Variants in UGT8 observed in about 807,000 individuals in gnomAD.
UGT8 encodes the protein 2-hydroxyacylsphingosine 1-beta-galactosyltransferase.
UGT8 carries 12 observed loss-of-function variants against 40.5 expected under a neutral mutation model. The ratio of observed to expected loss-of-function variants is 0.30; its 90% CI spans 0.19 to 0.48. The LOEUF (loss-of-function observed/expected upper bound fraction) is 0.48, where lower values mean the gene tolerates loss of function less well. UGT8 is among the 20% of genes least tolerant of loss of function. UGT8 has a pLI of 0.99. For synonymous variants in UGT8, 224 were observed against 240.4 expected, an observed-to-expected ratio of 0.93 and a Z score of 0.63; for missense variants, 513 against 648.7, an observed-to-expected ratio of 0.79 and a Z score of 2.27.
At chr4:114,600,531 A>C (rs1042500556) in intron 1 of UGT8, among the ~76,000 whole-genome samples, 1 of 152,144 alleles carries the variant, frequency 6.6e-6, no homozygotes, top group African/African-American at 2.4e-5. Flanking sequence ...CTTTTATTTT[A>C]GGTTTTGGGG....
At chr4:114,675,516 G>A (rs548184804) in intron 5 of UGT8, among the ~76,000 whole-genome samples, 4 of 151,754 alleles carry the variant, frequency 2.6e-5, no homozygotes, top group Admixed American at 6.6e-5. Flanking sequence ...CGAGGCAGGC[G>A]GATCACGAGG....
chr4:114,646,946 G>C (rs1158101868), intron 2 of UGT8, among the ~76,000 whole-genome samples: 1 of 152,156 alleles, frequency 6.6e-6, no homozygotes, highest in Non-Finnish European at 1.5e-5. Flanking sequence ...TTGGAATTCA[G>C]AAACATGACT....
In UGT8 at chr4:114,676,665, TTG is replaced by T. The variant is rs149001721; in HGVS notation, c.*395_*396del. On this transcript the variant is annotated 3_prime_UTR_variant, in exon 6 of 6. Transcript: ENST00000310836. ...TATGTGTGTGTGTGTGTGTGTGTGT[TTG>T]TGTGTGTGTGTGTGTGTCCTAATTA... is the stretch of plus-strand genomic sequence containing the variant. 171 of 150,332 alleles carry T rather than the reference TTG, an allele frequency of 1.1e-3. No individual in the cohort carries two copies. The highest frequency in any genetic ancestry group is 1.9e-3 in the South Asian group (10 of 5,200). The allele number at this position is 150,332 out of a possible 1,614,324, so 9.3% of individuals were successfully genotyped here. A position where few individuals can be genotyped will look rare whatever the true frequency, so the allele number is the denominator to read the frequency against.
chr4:114,629,189 A>T (rs139674709), intron 2 of UGT8, among the ~76,000 whole-genome samples: 19 of 152,310 alleles, frequency 1.2e-4, no homozygotes, highest in East Asian at 5.8e-4. Context: ...AAAGCTGGAG[A>T]TGTAAAGCTT....
At chr4:114,644,031 T>A (rs1301565747) in intron 2 of UGT8, among the ~76,000 whole-genome samples, 1 of 151,958 alleles carries the variant, frequency 6.6e-6, no homozygotes, top group African/African-American at 2.4e-5. Flanking sequence ...CCATGGTGCC[T>A]TTCTTCTCTG....
chr4:114,599,105 T>G, intron 1 of UGT8, 131 bp downstream of exon 1: 3 of 142,536 alleles, frequency 2.1e-5, no homozygotes, highest in Non-Finnish European at 3.1e-5. Context: ...GGGGTGGGAA[T>G]TAGAAAGCAC....
At chr4:114,646,499 T>A (rs1733580340) in intron 2 of UGT8, among the ~76,000 whole-genome samples, 1 of 152,042 alleles carries the variant, frequency 6.6e-6, no homozygotes, top group Non-Finnish European at 1.5e-5. Context: ...TGGGCATAAT[T>A]TCTGTTTTAA....
chr4:114,656,878 A>G, intron 2 of UGT8: 1 of 484,690 alleles, frequency 2.1e-6, no homozygotes, highest in Non-Finnish European at 4.3e-6. Flanking sequence ...TCATTAAAAA[A>G]TATAAACTCT....
intron 2 of UGT8, among the ~76,000 whole-genome samples, chr4:114,657,677 T>G (rs866870658): frequency 6.6e-6 from 1 of 152,174 alleles, no homozygotes; most frequent in Admixed American, 6.5e-5. Flanking sequence ...AATATCTTGG[T>G]GCAGAATGAC....
intron 2 of UGT8, among the ~76,000 whole-genome samples, chr4:114,625,508 CT>C (rs1188864887): frequency 9.0e-5 from 2 of 22,234 alleles, no homozygotes; most frequent in African/African-American, 1.6e-4. Context: ...GAGACCCTGT[CT>C]AAAAAAAAAA....
chr4:114,644,669 C>G (rs1330603911), intron 2 of UGT8, among the ~76,000 whole-genome samples: 2 of 152,128 alleles, frequency 1.3e-5, no homozygotes, highest in East Asian at 3.8e-4. Context: ...AATTTGTGAT[C>G]TATGCCTTTC....
rs1346393646 is a variant in UGT8 at position 114,664,706 on chromosome 4, C to T, written c.965+569C>T. Among the ~76,000 whole-genome samples, 7 of 152,284 alleles carry T rather than the reference C, an allele frequency of 4.6e-5. No homozygotes were observed. In the East Asian group the frequency reaches 1.4e-3, roughly 29 times the overall value. On this transcript the variant is annotated intron_variant, in intron 3 of 5. Coordinates refer to ENST00000310836, the MANE Select transcript of UGT8 (RefSeq NM_001128174.3). ...CCCAGCTTCTTTTGGAAGGCATTGC[C>T]AGCACATGACTGTCTTTGGAATTTC...
At chr4:114,671,497 A>G (rs773720710) in intron 5 of UGT8, among the ~76,000 whole-genome samples, 1 of 152,200 alleles carries the variant, frequency 6.6e-6, no homozygotes, top group African/African-American at 2.4e-5. Context: ...AATGGAGCAG[A>G]ACAGAGACCT....
chr4:114,631,442 G>A (rs758365571), intron 2 of UGT8, among the ~76,000 whole-genome samples: 21 of 152,210 alleles, frequency 1.4e-4, no homozygotes, highest in Non-Finnish European at 2.1e-4. Context: ...AGCTGAGATC[G>A]TGCCACTGCA....
In UGT8 at chr4:114,677,354, C is replaced by A. The variant is rs1735722492; in HGVS notation, c.*1066C>A. On this transcript the variant is annotated 3_prime_UTR_variant, in exon 6 of 6. Coordinates refer to ENST00000310836, the MANE Select transcript of UGT8 (RefSeq NM_001128174.3). Reference sequence around the variant, plus strand: ...ATTACATAGGTGCCAACATTTAATTCTTTTAAATGGAACATTTGCAGTTTT... The same window carrying A: ...ATTACATAGGTGCCAACATTTAATTATTTTAAATGGAACATTTGCAGTTTT... The A allele has an allele frequency of 6.6e-6, 1 of 152,106 alleles. No individual in the cohort carries two copies. Among genetic ancestry groups the A allele is most frequent in the African/African-American group, 2.4e-5 (1 of 41,420 alleles). 9.4% of individuals were successfully genotyped at this position (152,106 alleles called of 1,614,324 possible).
At chr4:114,668,684 G>C (rs1203698989) in intron 5 of UGT8, among the ~76,000 whole-genome samples, 1 of 152,148 alleles carries the variant, frequency 6.6e-6, no homozygotes, top group Non-Finnish European at 1.5e-5. Context: ...CATGGAACTT[G>C]AGTAATTTGG....
chr4:114,637,646 G>A (rs1218541519), intron 2 of UGT8, among the ~76,000 whole-genome samples: 1 of 152,016 alleles, frequency 6.6e-6, no homozygotes. Context: ...CAAAATAAAT[G>A]CCAAAATGTC....
intron 1 of UGT8, among the ~76,000 whole-genome samples, chr4:114,612,476 G>C (rs1731152097): frequency 6.6e-6 from 1 of 151,978 alleles, no homozygotes; most frequent in South Asian, 2.1e-4. Context: ...TTGGACTATA[G>C]CCATACGTTC....
intron 2 of UGT8, among the ~76,000 whole-genome samples, chr4:114,643,847 C>G (rs1733380461): frequency 6.6e-6 from 1 of 152,058 alleles, no homozygotes; most frequent in Non-Finnish European, 1.5e-5. Flanking sequence ...TTCTCAAACT[C>G]TCAATGCTTC....
Sources: gnomAD v4.1 joint callset for allele counts (sites outside exome capture counted in the v4.1 genomes callset) on GRCh38, gnomAD v4.1.1 for gene constraint, MANE v1.5 for transcripts, NCBI Gene and HGNC (gene_info 2026-07-23, HGNC 2026-07-21) for gene names.